Variants in MCMDC2 observed in about 807,000 individuals in gnomAD.
MCMDC2 encodes the protein minichromosome maintenance domain containing 2.
In MCMDC2, 54 loss-of-function variants were observed where a neutral mutation model predicts 75.8. The ratio of observed to expected loss-of-function variants is 0.71; its 90% CI spans 0.57 to 0.89. The LOEUF is 0.89. Among genes scored for constraint, MCMDC2 ranks in the 40% least tolerant of loss-of-function variants. The pLI, the probability that MCMDC2 is intolerant of heterozygous loss-of-function variation, is 0.00. For missense variants in MCMDC2, 656 were observed against 780.4 expected (o/e 0.84, Z 1.90); for synonymous variants, 249 against 274.6 (o/e 0.91, Z 0.92).
At chr8:66,895,386 C>T (rs1384275582) in intron 10 of MCMDC2, among the ~76,000 whole-genome samples, 2 of 150,206 alleles carry the variant, frequency 1.3e-5, no homozygotes, top group Non-Finnish European at 3.0e-5. Context: ...CTTCCTTCTT[C>T]TTCTTCTTTC....
chr8:66,919,131 T>C lies in MCMDC2; in HGVS notation c.2008T>C (p.Tyr670His), dbSNP rs1240218924. 3 of 1,550,252 alleles carry C rather than the reference T, an allele frequency of 1.9e-6. No homozygotes were observed. Among genetic ancestry groups the C allele is most frequent in the Non-Finnish European group, 2.6e-6 (3 of 1,146,450 alleles). ...ACAGCTGGAACAATTTATTGCCACA[T>C]ATGGACCTGGGACAACTATTTTCTC... is the stretch of plus-strand genomic sequence containing the variant. ...QQQLEQFIAT[Y>H]GPGTTIFSSD... Residue 670 changes from tyrosine to histidine, a missense_variant, in exon 15 of 15, where the codon TAT (tyrosine) becomes CAT (histidine). Transcript: ENST00000422365.
chr8:66,872,696 G>A (rs1347308813), intron 1 of MCMDC2, among the ~76,000 whole-genome samples: 3 of 152,014 alleles, frequency 2.0e-5, no homozygotes, highest in Non-Finnish European at 2.9e-5. Context: ...GGTGGCTCAC[G>A]CCTGTAATCC....
At chr8:66,908,656 G>C (rs533805061) in intron 14 of MCMDC2, among the ~76,000 whole-genome samples, 4 of 152,114 alleles carry the variant, frequency 2.6e-5, no homozygotes, top group Non-Finnish European at 5.9e-5. Context: ...CATCACCCAG[G>C]CTGGAGTGCA....
chr8:66,884,321 A>G, intron 9 of MCMDC2: 1 of 320,904 alleles, frequency 3.1e-6, no homozygotes, highest in Non-Finnish European at 5.6e-6. Context: ...GGAACAAACT[A>G]ACCATTTTCT....
chr8:66,896,853 G>T lies in MCMDC2; in HGVS notation c.1520G>T (p.Cys507Phe). 2 of 1,613,388 alleles carry T rather than the reference G, an allele frequency of 1.2e-6. No individual in the cohort carries two copies. The highest frequency in any genetic ancestry group is 1.7e-6 in the Non-Finnish European group (2 of 1,179,680). The change falls in exon 12 of 15, where the codon TGC becomes TTC. Residue 507 changes from cysteine to phenylalanine, a missense_variant. Cys to Phe is a radical substitution (Grantham distance 205). Transcript: ENST00000422365. Reference protein sequence around the residue: ...LLINCNESSPCHPFLPTVQHT... With the variant: ...LLINCNESSPFHPFLPTVQHT... ...ATTAACTGCAACGAGTCATCTCCCT[G>T]CCACCCATTTCTTCCTACTGTGCAA...
At position 66,918,898 on chromosome 8, in the gene MCMDC2, T is replaced by G. The variant is rs546203487; in HGVS notation, c.1880-105T>G. 2.5e-4 allele frequency: 266 copies of G among 1,048,434 alleles called. 2 individuals are homozygous for G. The African/African-American group carries it at 4.1e-3, about 16-fold the overall frequency. 64.9% of individuals were successfully genotyped at this position (1,048,434 alleles called of 1,614,324 possible). A position where few individuals can be genotyped will look rare whatever the true frequency, so the allele number is the denominator to read the frequency against. ...TTCACAGAACCACATGGGCTCAGAC[T>G]TAATTTTTAAGATTCCATTAAAATA... On this transcript the variant is annotated intron_variant, in intron 14 of 14. Transcript: ENST00000422365.
intron 9 of MCMDC2, among the ~76,000 whole-genome samples, chr8:66,888,107 G>T (rs1489620644): frequency 6.6e-6 from 1 of 152,010 alleles, no homozygotes; most frequent in Non-Finnish European, 1.5e-5. Flanking sequence ...TTGAGACAGG[G>T]TCACGGTCTG....
downstream of MCMDC2, among the ~76,000 whole-genome samples, chr8:66,922,950 T>G (rs952518684): frequency 2.0e-5 from 3 of 152,296 alleles, no homozygotes; most frequent in Non-Finnish European, 4.4e-5. Context: ...CCTCTGTAAC[T>G]GAGTATGTTT....
chr8:66,894,537 C>G (rs1812253457), intron 10 of MCMDC2, among the ~76,000 whole-genome samples: 1 of 152,202 alleles, frequency 6.6e-6, no homozygotes, highest in Non-Finnish European at 1.5e-5. Flanking sequence ...AGCATTTCCA[C>G]TGTCCTGGTA....
intron 14 of MCMDC2, among the ~76,000 whole-genome samples, chr8:66,912,758 G>A (rs1185712209): frequency 6.6e-6 from 1 of 152,072 alleles, no homozygotes; most frequent in South Asian, 2.1e-4. Flanking sequence ...ACACAGGGAG[G>A]GGAACATCAC....
intron 8 of MCMDC2, among the ~76,000 whole-genome samples, chr8:66,882,721 C>G (rs1215149241): frequency 6.6e-6 from 1 of 151,724 alleles, no homozygotes; most frequent in East Asian, 1.9e-4. Flanking sequence ...TAATAGAGAC[C>G]CAAGTTGAAT....
rs1220085965 is a variant in MCMDC2 at position 66,921,758 on chromosome 8, A to AGGTGTCT, written c.*2591_*2592insTGTCTGG. ...AGATTCAACCACCTGGTACAACAGC[A>AGGTGTCT]GGCTCTGAAGGGGAAGCCAGACAGG... On this transcript the variant is annotated 3_prime_UTR_variant, in exon 15 of 15. Transcript: ENST00000422365. The AGGTGTCT allele has an allele frequency of 6.6e-6, 1 of 152,252 alleles. No individual in the cohort carries two copies. Among genetic ancestry groups the AGGTGTCT allele is most frequent in the East Asian group, 1.9e-4 (1 of 5,204 alleles). The allele number at this position is 152,252 out of a possible 1,614,324, so 9.4% of individuals were successfully genotyped here. A position where few individuals can be genotyped will look rare whatever the true frequency, so the allele number is the denominator to read the frequency against.
At position 66,912,800 on chromosome 8, in the gene MCMDC2, G is replaced by A. The variant is rs191422772; in HGVS notation, c.1880-6203G>A. ...GGGCCTGTTGGTGGGGAGAGCTAGC[G>A]GAGGGATAGCATTAAGAGAAATACC... On this transcript the variant is annotated intron_variant, in intron 14 of 14. Transcript: ENST00000422365. 8.0e-4 allele frequency among the ~76,000 whole-genome samples: 122 copies of A among 152,240 alleles called. 1 individual carries two copies. The highest frequency in any genetic ancestry group is 2.7e-3 in the African/African-American group (112 of 41,540).
downstream of MCMDC2, among the ~76,000 whole-genome samples, chr8:66,923,318 G>A (rs548709333): frequency 6.6e-6 from 1 of 152,202 alleles, no homozygotes; most frequent in East Asian, 1.9e-4. Context: ...CAAAGAACAT[G>A]GACTGGGGCA....
chr8:66,883,852 T>C lies in MCMDC2; in HGVS notation c.931T>C (p.Ser311Pro), dbSNP rs779517728. Reference protein sequence around the residue: ...FTAILANIFASQITPPGTYNL... With the variant: ...FTAILANIFAPQITPPGTYNL... ...AGCAATACTTGCCAATATCTTTGCA[T>C]CACAAATTACCCCTCCTGGGACTTA... The change falls in exon 9 of 15, where the codon TCA becomes CCA. Residue 311 changes from serine (S) to proline (P), a missense_variant. Ser to Pro is a moderately conservative substitution (Grantham distance 74). Coordinates refer to ENST00000422365, the MANE Select transcript of MCMDC2 (RefSeq NM_173518.5). 7.4e-5 allele frequency: 120 copies of C among 1,613,912 alleles called. No individual in the cohort carries two copies. Among genetic ancestry groups the C allele is most frequent in the Non-Finnish European group, 9.0e-5 (106 of 1,179,978 alleles).
At position 66,901,268 on chromosome 8, in the gene MCMDC2, T is replaced by C. The variant is rs565858405; in HGVS notation, c.1689T>C (p.His563=). 2.5e-6 allele frequency: 4 copies of C among 1,614,100 alleles called. No homozygotes were observed. Among genetic ancestry groups the C allele is most frequent in the African/African-American group, 1.3e-5 (1 of 75,058 alleles). Residue 563 remains histidine (H), a synonymous_variant, in exon 13 of 15, where the codon CAT becomes CAC. Coordinates refer to ENST00000422365, the MANE Select transcript of MCMDC2 (RefSeq NM_173518.5). Reference sequence around the variant, plus strand: ...GCTTGGAAGCAGAAAGAATGACCCATGGCTATTATCTAGCAAGTCGCAGAA... The same window carrying C: ...GCTTGGAAGCAGAAAGAATGACCCACGGCTATTATCTAGCAAGTCGCAGAA... ...EFSLEAERMT[H]GYYLASRRIR...
At chr8:66,908,805 GT>G (rs1417197549) in intron 14 of MCMDC2, among the ~76,000 whole-genome samples, 1 of 152,042 alleles carries the variant, frequency 6.6e-6, no homozygotes, top group Non-Finnish European at 1.5e-5. Flanking sequence ...GAGATGGGGT[GT>G]TGCCATGTTA....
intron 13 of MCMDC2, among the ~76,000 whole-genome samples, chr8:66,904,701 G>A (rs1345207565): frequency 2.6e-5 from 4 of 152,066 alleles, no homozygotes; most frequent in African/African-American, 7.2e-5. Flanking sequence ...ATAAAGGAAC[G>A]GATTGCCTCA....
chr8:66,916,182 G>A (rs1813310720), intron 14 of MCMDC2, among the ~76,000 whole-genome samples: 1 of 151,976 alleles, frequency 6.6e-6, no homozygotes, highest in African/African-American at 2.4e-5. Flanking sequence ...ATCATATGAT[G>A]TGCAGTAAAG....
Sources: gnomAD v4.1 joint callset for allele counts (sites outside exome capture counted in the v4.1 genomes callset) on GRCh38, gnomAD v4.1.1 for gene constraint, MANE v1.5 for transcripts, NCBI Gene and HGNC (gene_info 2026-07-23, HGNC 2026-07-21) for gene names.